Variants in SDAD1 observed in about 807,000 individuals in gnomAD.
SDAD1 encodes the protein SDA1 domain containing 1.
A neutral mutation model predicts 100.3 loss-of-function variants in SDAD1; 79 were observed. The ratio of observed to expected loss-of-function variants is 0.79; its 90% CI spans 0.66 to 0.95. The LOEUF is 0.95. Among genes scored for constraint, SDAD1 ranks in the 40% least tolerant of loss-of-function variants. The pLI, the probability that SDAD1 is intolerant of heterozygous loss-of-function variation, is 0.00. For missense variants in SDAD1, 790 were observed against 810.9 expected (o/e 0.97, Z 0.31); for synonymous variants, 267 against 271.4 (o/e 0.98, Z 0.16).
chr4:75,969,173 A>C (rs576391224), intron 11 of SDAD1, 123 bp downstream of exon 11: 1 of 561,270 alleles, frequency 1.8e-6, no homozygotes, highest in South Asian at 3.3e-5. Context: ...CTCTTCTGTA[A>C]ATTTTATGTG....
chr4:75,989,637 G>A (rs1480400829), intron 1 of SDAD1, among the ~76,000 whole-genome samples: 2 of 152,210 alleles, frequency 1.3e-5, no homozygotes, highest in Admixed American at 6.5e-5. Context: ...TCAGCAGCAG[G>A]AGTTATCTAA....
At chr4:75,975,148 A>G (rs1324210433) in intron 6 of SDAD1, among the ~76,000 whole-genome samples, 1 of 152,160 alleles carries the variant, frequency 6.6e-6, no homozygotes, top group Non-Finnish European at 1.5e-5. Context: ...GGGTGGAAAT[A>G]CCATAAATAC....
chr4:75,977,816 C>T (rs1292513282), intron 3 of SDAD1, 60 bp from the exon 4 acceptor site: 7 of 981,468 alleles, frequency 7.1e-6, no homozygotes, highest in South Asian at 1.3e-5. Context: ...TGAGAAAATA[C>T]AGCGTATATG....
chr4:75,951,005 G>A (rs543489355), intron 21 of SDAD1, among the ~76,000 whole-genome samples: 4 of 152,236 alleles, frequency 2.6e-5, no homozygotes, highest in African/African-American at 9.6e-5. Flanking sequence ...CTTGACTGCT[G>A]TTCCCAACTC....
intron 7 of SDAD1, among the ~76,000 whole-genome samples, chr4:75,973,731 C>A (rs1429500047): frequency 1.3e-5 from 2 of 152,048 alleles, no homozygotes; most frequent in Admixed American, 6.5e-5. Context: ...TGCCGAAGCC[C>A]AACGGAAGTC....
chr4:75,971,393 GT>G lies in SDAD1; in HGVS notation c.776del (p.Asn259ThrfsTer9). On this transcript the variant is annotated frameshift_variant, in exon 9 of 22. Coordinates refer to ENST00000356260, the MANE Select transcript of SDAD1 (RefSeq NM_018115.4). LOFTEE classifies it high-confidence loss of function. ...TCATTGCCTTTTCCAACTTTTTCTT[GT>G]TTTTGGAACTTTTCTTCCCTGTAGC... ...QYATGKKSSK[N>X]KKKLEKAMKV... The G allele has an allele frequency of 6.2e-7, 1 of 1,613,812 alleles. No individual in the cohort carries two copies. Among genetic ancestry groups the G allele is most frequent in the Non-Finnish European group, 8.5e-7 (1 of 1,179,912 alleles).
chr4:75,979,782 A>G (rs1730390409), intron 3 of SDAD1, among the ~76,000 whole-genome samples: 1 of 152,064 alleles, frequency 6.6e-6, no homozygotes, highest in Non-Finnish European at 1.5e-5. Context: ...TTAAAAACCT[A>G]CTAATCATCA....
intron 20 of SDAD1, among the ~76,000 whole-genome samples, chr4:75,957,091 CAG>C (rs1250218545): frequency 6.6e-6 from 1 of 151,790 alleles, no homozygotes; most frequent in African/African-American, 2.4e-5. Flanking sequence ...GCCTGGGTGA[CAG>C]AGAGAGACTG....
In SDAD1 at chr4:75,950,747, A is replaced by G; in HGVS notation, c.*3T>C. The G allele has an allele frequency of 6.3e-7, 1 of 1,584,130 alleles. No homozygotes were observed. The highest frequency in any genetic ancestry group is 8.6e-7 in the Non-Finnish European group (1 of 1,156,984). On this transcript the variant is annotated 3_prime_UTR_variant, in exon 22 of 22. Coordinates refer to ENST00000356260, the MANE Select transcript of SDAD1 (RefSeq NM_018115.4). ...TTCTAGGAATGGAAAACTTGCCAGGAAGTTACTTCATTCTTTTTCTCTTTT... is the reference window on the plus strand; with the variant it reads ...TTCTAGGAATGGAAAACTTGCCAGGGAGTTACTTCATTCTTTTTCTCTTTT...
At chr4:75,983,537 T>C (rs1170814440) in intron 1 of SDAD1, among the ~76,000 whole-genome samples, 1 of 152,262 alleles carries the variant, frequency 6.6e-6, no homozygotes, top group Non-Finnish European at 1.5e-5. Flanking sequence ...ATTTCTCTAA[T>C]GACCAGTGCT....
intron 20 of SDAD1, among the ~76,000 whole-genome samples, chr4:75,957,067 G>A (rs186168271): frequency 6.6e-6 from 1 of 152,286 alleles, no homozygotes. Context: ...CTGAGATTGT[G>A]CCACTGCACT....
At chr4:75,977,583 G>A in intron 4 of SDAD1, 63 bp downstream of exon 4, 1 of 1,028,420 alleles carries the variant, frequency 9.7e-7, no homozygotes, top group South Asian at 1.3e-5. Context: ...GATAATTCAA[G>A]AGACAACAAA....
intron 14 of SDAD1, 53 bp downstream of exon 14, chr4:75,964,082 A>G: frequency 1.7e-6 from 2 of 1,184,686 alleles, no homozygotes; most frequent in Admixed American, 3.5e-5. Context: ...AACTTATAGC[A>G]AATCTAGTCC....
chr4:75,981,531 T>C lies in SDAD1; in HGVS notation c.196-61A>G, dbSNP rs770928885. ...CTTTCTCTCCTATAATTCAGATGCA[T>C]ACATTTAGGATGTTCTGCAAAACGA... On this transcript the variant is annotated intron_variant, in intron 2 of 21. Coordinates refer to ENST00000356260, the MANE Select transcript of SDAD1 (RefSeq NM_018115.4). 4 of 1,606,972 alleles carry C rather than the reference T, an allele frequency of 2.5e-6. No homozygotes were observed. In the South Asian group the frequency reaches 3.3e-5, roughly 13 times the overall value.
Position 75,969,324 on chromosome 4 carries a change from A to G in SDAD1, c.959T>C (p.Leu320Pro), listed in dbSNP as rs144021398. The G allele has an allele frequency of 6.2e-7, 1 of 1,613,344 alleles. No individual in the cohort carries two copies. The highest frequency in any genetic ancestry group is 2.2e-5 in the East Asian group (1 of 44,858). The change falls in exon 11 of 22, where the codon CTT becomes CCT. Residue 320 changes from leucine to proline, a missense_variant. Physicochemically the swap from Leu to Pro is moderately conservative, Grantham distance 98. Coordinates refer to ENST00000356260, the MANE Select transcript of SDAD1 (RefSeq NM_018115.4). ...RFEVKMMLMN[L>P]ISRLVGIHEL... ...ATGAATTCCCACCAATCTGGAGATA[A>G]GGTTCATGAGCATCATCTTCACTTC...
chr4:75,961,011 AAGT>A lies in SDAD1; in HGVS notation c.1356+14_1356+16del, dbSNP rs771826996. ...GAGACCATAACCTTTAGACCAACAT[AAGT>A]GTGCTTTACCTACCCGGAATTTCTT... On this transcript the variant is annotated intron_variant, in intron 16 of 21. Transcript: ENST00000356260. 6.2e-7 allele frequency: 1 copy of A among 1,608,250 alleles called. No homozygotes were observed. The highest frequency in any genetic ancestry group is 1.3e-5 in the African/African-American group (1 of 74,918).
chr4:75,967,344 G>T lies in SDAD1; in HGVS notation c.988-10C>A, dbSNP rs184208240. ...AATTGAAGAGGAAAAGCTGTGGAGA[G>T]AAAACCGACTTTAATACTGATGCAG... On this transcript the variant is annotated splice_polypyrimidine_tract_variant and intron_variant, in intron 11 of 21. Coordinates refer to ENST00000356260, the MANE Select transcript of SDAD1 (RefSeq NM_018115.4). 786 of 1,613,334 alleles carry T rather than the reference G, an allele frequency of 4.9e-4. 2 individuals are homozygous for T. The African/African-American group carries it at 7.3e-3, about 15-fold the overall frequency.
intron 11 of SDAD1, among the ~76,000 whole-genome samples, chr4:75,967,817 G>C (rs888818831): frequency 6.6e-5 from 10 of 152,170 alleles, no homozygotes; most frequent in Non-Finnish European, 1.3e-4. Flanking sequence ...CACGTGGAAG[G>C]AGTTGGGTCC....
At chr4:75,983,807 T>C (rs972297758) in intron 1 of SDAD1, among the ~76,000 whole-genome samples, 1 of 152,236 alleles carries the variant, frequency 6.6e-6, no homozygotes, top group African/African-American at 2.4e-5. Flanking sequence ...ATCCCATTTG[T>C]CAATTTTGGC....
Sources: gnomAD v4.1 joint callset for allele counts (sites outside exome capture counted in the v4.1 genomes callset) on GRCh38, gnomAD v4.1.1 for gene constraint, MANE v1.5 for transcripts, NCBI Gene and HGNC (gene_info 2026-07-23, HGNC 2026-07-21) for gene names.